MARCHF1: variants seen among roughly 807,000 people sequenced by gnomAD.
The protein encoded by MARCHF1 is membrane associated ring-CH-type finger 1.
MARCHF1 carries 40 observed loss-of-function variants against 54.2 expected under a neutral mutation model. That is an observed-to-expected ratio of 0.74 (90% CI 0.57 to 0.96). The LOEUF (loss-of-function observed/expected upper bound fraction) is 0.96, where lower values mean the gene tolerates loss of function less well. MARCHF1 is among the 40% of genes least tolerant of loss of function. MARCHF1 has a pLI of 0.00. For synonymous variants in MARCHF1, 236 were observed against 236.3 expected (o/e 1.00, Z 0.01); for missense variants, 586 against 656.5 (o/e 0.89, Z 1.17).
At chr4:164,208,538 C>T (rs1290766385) in intron 1 of MARCHF1, among the ~76,000 whole-genome samples, 1 of 152,144 alleles carries the variant, frequency 6.6e-6, no homozygotes, top group African/African-American at 2.4e-5. Flanking sequence ...TCTTTGCCTC[C>T]TTACTTGGAT....
chr4:163,711,675 C>T (rs1398940488), intron 4 of MARCHF1, among the ~76,000 whole-genome samples: 1 of 152,140 alleles, frequency 6.6e-6, no homozygotes, highest in African/African-American at 2.4e-5. Flanking sequence ...TGCAAAAATG[C>T]CTCTCTTTCT....
chr4:164,002,030 T>A (rs1231896880), intron 2 of MARCHF1, among the ~76,000 whole-genome samples: 1 of 151,772 alleles, frequency 6.6e-6, no homozygotes, highest in Non-Finnish European at 1.5e-5. Flanking sequence ...TAATAAATTA[T>A]CTTCTAGACC....
At chr4:164,222,126 T>TTC in intron 1 of MARCHF1, among the ~76,000 whole-genome samples, 1 of 152,150 alleles carries the variant, frequency 6.6e-6, no homozygotes, top group African/African-American at 2.4e-5. Context: ...TCAAATTAAT[T>TTC]CAATCTACTA....
intron 5 of MARCHF1, among the ~76,000 whole-genome samples, chr4:163,669,100 T>C (rs1319775970): frequency 6.6e-6 from 1 of 152,156 alleles, no homozygotes; most frequent in Non-Finnish European, 1.5e-5. Context: ...CTGCAGATCT[T>C]CCAGGGTTGA....
chr4:163,689,566 T>C (rs79294768), intron 5 of MARCHF1, among the ~76,000 whole-genome samples: 4,523 of 152,278 alleles, frequency 0.03, 78 homozygotes, highest in East Asian at 0.078. Flanking sequence ...ATTTAAATAG[T>C]CACCTATGGC....
At chr4:163,936,324 T>C (rs1055903562) in intron 3 of MARCHF1, among the ~76,000 whole-genome samples, 4 of 152,178 alleles carry the variant, frequency 2.6e-5, no homozygotes, top group Admixed American at 1.3e-4. Context: ...ACAGTGCAGA[T>C]AGACTTGCTC....
At chr4:163,531,185 A>G (rs997844444) in intron 9 of MARCHF1, among the ~76,000 whole-genome samples, 3 of 151,908 alleles carry the variant, frequency 2.0e-5, no homozygotes, top group Non-Finnish European at 4.4e-5. Flanking sequence ...TACTATGAAG[A>G]AAAGTTATAG....
intron 1 of MARCHF1, among the ~76,000 whole-genome samples, chr4:164,270,509 T>C (rs142020595): frequency 2.7e-3 from 414 of 152,304 alleles, no homozygotes; most frequent in African/African-American, 9.6e-3. Flanking sequence ...TGGTGTATTC[T>C]TAAAGCATGT....
chr4:164,241,093 C>A (rs1229602194), intron 1 of MARCHF1, among the ~76,000 whole-genome samples: 1 of 151,974 alleles, frequency 6.6e-6, no homozygotes, highest in Non-Finnish European at 1.5e-5. Context: ...ATTAAGGCAA[C>A]CATCTGACAT....
intron 5 of MARCHF1, among the ~76,000 whole-genome samples, chr4:163,662,523 C>T (rs1330660559): frequency 6.6e-6 from 1 of 151,892 alleles, no homozygotes; most frequent in East Asian, 1.9e-4. Context: ...CTTTCTAGTC[C>T]CAGAATCTTC....
At chr4:163,642,681 T>A (rs1049728869) in intron 5 of MARCHF1, among the ~76,000 whole-genome samples, 1 of 152,166 alleles carries the variant, frequency 6.6e-6, no homozygotes, top group East Asian at 1.9e-4. Flanking sequence ...ATACTATTTA[T>A]CCTTCTGGTT....
intron 6 of MARCHF1, 61 bp from the exon 7 acceptor site, chr4:163,613,099 CAGAG>C (rs969930790): frequency 5.7e-6 from 8 of 1,392,294 alleles, no homozygotes; most frequent in Non-Finnish European, 7.5e-6. Flanking sequence ...CATGGAAAAA[CAGAG>C]AGAGAGAATG....
Position 163,629,517 on chromosome 4 carries a change from A to G in MARCHF1, c.163-16124T>C, listed in dbSNP as rs552643048. On this transcript the variant is annotated intron_variant, in intron 5 of 9. Transcript: ENST00000514618. Reference sequence around the variant, plus strand: ...TATGGGCAAAGACTTCATGAGTGAAACAGCAAAAGCAATGGTAACACAAGC... The same window carrying G: ...TATGGGCAAAGACTTCATGAGTGAAGCAGCAAAAGCAATGGTAACACAAGC... Among the ~76,000 whole-genome samples, 14 of 152,360 alleles carry G rather than the reference A, an allele frequency of 9.2e-5. No homozygotes were observed. The South Asian group carries it at 2.7e-3, about 29-fold the overall frequency.
At chr4:164,283,500 G>C (rs1438888207) in intron 1 of MARCHF1, among the ~76,000 whole-genome samples, 2 of 150,858 alleles carry the variant, frequency 1.3e-5, no homozygotes, top group Admixed American at 1.3e-4. Flanking sequence ...CTAACAAATA[G>C]AACACCGGAA....
intron 1 of MARCHF1, among the ~76,000 whole-genome samples, chr4:164,243,421 C>G (rs1560970531): frequency 6.6e-6 from 1 of 151,642 alleles, no homozygotes; most frequent in Non-Finnish European, 1.5e-5. Flanking sequence ...TACAGACAAG[C>G]AAATGCTGAG....
chr4:163,612,289 T>C lies in MARCHF1; in HGVS notation c.992A>G (p.Asp331Gly), dbSNP rs1441443739. 6 of 1,510,678 alleles carry C rather than the reference T, an allele frequency of 4.0e-6. No homozygotes were observed. In the Admixed American group the frequency reaches 1.3e-4, roughly 33 times the overall value. The allele number at this position is 1,510,678 out of a possible 1,614,324, so 93.6% of individuals were successfully genotyped here. A position where few individuals can be genotyped will look rare whatever the true frequency, so the allele number is the denominator to read the frequency against. Residue 331 changes from aspartate to glycine, a missense_variant, in exon 7 of 10, where the codon GAT becomes GGT. Transcript: ENST00000514618. ...GACTGACCTGCATACTTCTAAATTATCAGACCCATCGTCATAGGTGGCAGG... is the reference window on the plus strand; with the variant it reads ...GACTGACCTGCATACTTCTAAATTACCAGACCCATCGTCATAGGTGGCAGG... ...KPPATYDDGS[D>G]NLEVCRICHC... is the part of the protein sequence containing the mutation.
intron 7 of MARCHF1, among the ~76,000 whole-genome samples, chr4:163,610,355 G>A (rs1741295111): frequency 6.6e-6 from 1 of 151,998 alleles, no homozygotes; most frequent in Admixed American, 6.6e-5. Context: ...GTAATCTCTA[G>A]CAGGAAATAA....
chr4:163,876,105 A>T (rs555529899), intron 3 of MARCHF1, among the ~76,000 whole-genome samples: 1 of 152,162 alleles, frequency 6.6e-6, no homozygotes, highest in African/African-American at 2.4e-5. Flanking sequence ...ATCATGACAA[A>T]CCCTAGACAG....
intron 4 of MARCHF1, among the ~76,000 whole-genome samples, chr4:163,795,540 A>AT (rs1310184492): frequency 6.6e-6 from 1 of 152,042 alleles, no homozygotes; most frequent in Admixed American, 6.6e-5. Context: ...TCTTAATGAT[A>AT]TTTTCTAACT....
Sources: allele counts gnomAD v4.1 joint callset (sites outside exome capture counted in the v4.1 genomes callset), GRCh38; gene constraint gnomAD v4.1.1; transcripts MANE v1.5; gene names NCBI Gene and HGNC (gene_info 2026-07-23, HGNC 2026-07-21).